Variants in SURF6 observed in about 807,000 individuals in gnomAD.
SURF6 encodes the protein surfeit locus protein 6.
A neutral mutation model predicts 37.5 loss-of-function variants in SURF6; 28 were observed. The ratio of observed to expected loss-of-function variants is 0.75; its 90% confidence interval spans 0.55 to 1.02. SURF6 has a LOEUF of 1.02. SURF6 is among the 50% of genes least tolerant of loss of function. SURF6 has a pLI of 0.00. For missense variants in SURF6, 560 were observed against 490.5 expected (o/e 1.14, Z -1.34); for synonymous variants, 248 against 210.9 (o/e 1.18, Z -1.52).
At chr9:133,334,676 C>A in intron 1 of SURF6, 75 bp from the exon 2 acceptor site, 1 of 1,541,250 alleles carries the variant, frequency 6.5e-7, no homozygotes, top group Non-Finnish European at 8.8e-7. Context: ...CTCACCAAGG[C>A]TTTGATCCCA....
intron 3 of SURF6, 40 bp downstream of exon 3, chr9:133,333,678 G>A (rs2129924055): frequency 6.3e-7 from 1 of 1,586,616 alleles, no homozygotes; most frequent in Non-Finnish European, 8.6e-7. Flanking sequence ...GAGAACACAG[G>A]CAGAGCAGTG....
intron 1 of SURF6, 109 bp from the exon 2 acceptor site, chr9:133,334,710 G>T: frequency 2.3e-6 from 3 of 1,329,560 alleles, no homozygotes; most frequent in Admixed American, 2.2e-5. Flanking sequence ...AGAGGATCAG[G>T]ATCGGGGGCC....
Position 133,331,880 on chromosome 9 carries a change from C to T in SURF6, c.1075G>A (p.Gly359Ser). Reference protein sequence around the residue: ...RILPQDLERAGLV With the variant: ...RILPQDLERASLV The stretch of plus-strand genomic sequence containing the variant: ...CAGGTGGGAAAGACTCAGACCAGGC[C>T]TGCGCGCTCCAGGTCCTGCGGCAGG... Residue 359 changes from glycine to serine, a missense_variant, in exon 5 of 5, where the codon GGC becomes AGC. By Grantham distance (56) the Gly-to-Ser change is moderately conservative (BLOSUM62 0). Transcript: ENST00000372022. 6.6e-7 allele frequency: 1 copy of T among 1,516,086 alleles called. No homozygotes were observed. Among genetic ancestry groups the T allele is most frequent in the South Asian group, 1.3e-5 (1 of 76,084 alleles). The allele number at this position is 1,516,086 out of a possible 1,614,324, so 93.9% of individuals were successfully genotyped here. A position where few individuals can be genotyped will look rare whatever the true frequency, so the allele number is the denominator to read the frequency against.
rs147067721 is a variant in SURF6 at position 133,334,431 on chromosome 9, C to G, written c.265G>C (p.Glu89Gln). Residue 89 changes from glutamate (E) to glutamine (Q), a missense_variant, in exon 2 of 5, where the codon GAA (glutamate) becomes CAA (glutamine). Physicochemically the swap from Glu to Gln is conservative, Grantham distance 29. Transcript: ENST00000372022. ...GCTGAGCTGGAAGCCCAAGCTGCTT[C>G]CTCTTTGGCTGCCTCAGGCCTCCTG... ...GARRPEAAKEEAAWASSSAGN... is the reference protein window; with the variant it reads ...GARRPEAAKEQAAWASSSAGN... The G allele has an allele frequency of 1.2e-6, 2 of 1,613,942 alleles. No homozygotes were observed. Among genetic ancestry groups the G allele is most frequent in the African/African-American group, 2.7e-5 (2 of 75,062 alleles).
In SURF6 at chr9:133,333,731, T is replaced by C; in HGVS notation, c.380A>G (p.Glu127Gly). The change falls in exon 3 of 5, where the codon GAG becomes GGG. Residue 127 changes from glutamate (E) to glycine (G), a missense_variant. Coordinates refer to ENST00000372022, the MANE Select transcript of SURF6 (RefSeq NM_006753.6). ...LRQRLHEKIQEARGQGSAKEL... is the reference protein window; with the variant it reads ...LRQRLHEKIQGARGQGSAKEL... Reference sequence around the variant, plus strand: ...CTGCCCGCCTACCTGGCCCCGGGCCTCCTGGATCTTCTCATGCAGTCGCTG... The same window carrying C: ...CTGCCCGCCTACCTGGCCCCGGGCCCCCTGGATCTTCTCATGCAGTCGCTG... The C allele has an allele frequency of 6.2e-7, 1 of 1,613,896 alleles. No homozygotes were observed. The highest frequency in any genetic ancestry group is 8.5e-7 in the Non-Finnish European group (1 of 1,179,956).
At chr9:133,334,257 T>C in intron 2 of SURF6, 135 bp downstream of exon 2, 2 of 783,212 alleles carry the variant, frequency 2.6e-6, no homozygotes, top group Non-Finnish European at 4.0e-6. Flanking sequence ...CCTGTGATCT[T>C]TGCTCTTGGG....
chr9:133,334,620 A>C lies in SURF6; in HGVS notation c.95-19T>G. 6.2e-7 allele frequency: 1 copy of C among 1,602,944 alleles called. No homozygotes were observed. ...TTGCCAGCTGAAATGCAAAATAAGA[A>C]AGAGTTAAGTCCCAATCTCATGGCC... On this transcript the variant is annotated intron_variant, in intron 1 of 4. Transcript: ENST00000372022.
chr9:133,335,709 CA>C (rs11341720), intron 1 of SURF6, among the ~76,000 whole-genome samples: 55,267 of 132,000 alleles, frequency 0.42, 10,551 homozygotes, highest in South Asian at 0.49. Flanking sequence ...ACTAAAAATG[CA>C]AAAAAAAAAA....
At chr9:133,335,696 T>G (rs910329689) in intron 1 of SURF6, among the ~76,000 whole-genome samples, 1 of 142,372 alleles carries the variant, frequency 7.0e-6, no homozygotes, top group African/African-American at 2.6e-5. Flanking sequence ...TACTCCTGTC[T>G]CTACTAAAAA....
At chr9:133,332,908 G>A (rs1412948769) in intron 3 of SURF6, 148 bp from the exon 4 acceptor site, 1 of 712,126 alleles carries the variant, frequency 1.4e-6, no homozygotes, top group East Asian at 2.7e-5. Context: ...GTTCCACCAT[G>A]ATGTTCCCCA....
chr9:133,330,774 GAA>G lies in SURF6; in HGVS notation c.*1093_*1094del, dbSNP rs1304603552. The G allele has an allele frequency of 1.3e-5, 2 of 152,046 alleles. No homozygotes were observed. The highest frequency in any genetic ancestry group is 2.9e-5 in the Non-Finnish European group (2 of 67,984). The allele number at this position is 152,046 out of a possible 1,614,324, so 9.4% of individuals were successfully genotyped here. A position where few individuals can be genotyped will look rare whatever the true frequency, so the allele number is the denominator to read the frequency against. ...GGTCAGATAACGACACTGATTCCTTGAAATATCTTAAGACTTCTTTTCTGGAC... is the reference window on the plus strand; with the variant it reads ...GGTCAGATAACGACACTGATTCCTTGATATCTTAAGACTTCTTTTCTGGAC... On this transcript the variant is annotated 3_prime_UTR_variant, in exon 5 of 5. Transcript: ENST00000372022.
chr9:133,335,989 C>CT (rs2129933302), intron 1 of SURF6, 50 bp downstream of exon 1: 1 of 1,519,636 alleles, frequency 6.6e-7, no homozygotes, highest in East Asian at 2.3e-5. Flanking sequence ...GCTCCGGCCG[C>CT]GTCCCCCGTT....
chr9:133,329,861 C>CTGG lies in SURF6; in HGVS notation c.*2007_*2008insCCA, dbSNP rs1835681997. 6.6e-6 allele frequency: 1 copy of CTGG among 152,186 alleles called. No homozygotes were observed. The highest frequency in any genetic ancestry group is 1.5e-5 in the Non-Finnish European group (1 of 68,042). 9.4% of individuals were successfully genotyped at this position (152,186 alleles called of 1,614,324 possible). Reference sequence around the variant, plus strand: ...ATTTGGTAACTTCCCTTTCTCTTACCTAGTTTTGGTATCAAAGCTAAGTTC... The same window carrying CTGG: ...ATTTGGTAACTTCCCTTTCTCTTACCTGGTAGTTTTGGTATCAAAGCTAAGTTC... On this transcript the variant is annotated 3_prime_UTR_variant, in exon 5 of 5. Coordinates refer to ENST00000372022, the MANE Select transcript of SURF6 (RefSeq NM_006753.6).
Position 133,332,207 on chromosome 9 carries a change from G to C in SURF6, c.748C>G (p.Leu250Val), listed in dbSNP as rs2129916259. The C allele has an allele frequency of 1.2e-6, 2 of 1,607,992 alleles. No individual in the cohort carries two copies. The highest frequency in any genetic ancestry group is 1.1e-5 in the South Asian group (1 of 91,080). ...TCATCCTGGCCGCGCAGCTCGTCCA[G>C]CCGGCTCTGCCGTGCCTGCAGGCGC... ...LERLQARQSR[L>V]DELRGQDEGK... is the part of the protein sequence containing the mutation. Residue 250 changes from leucine to valine, a missense_variant, in exon 5 of 5, where the codon CTG (leucine) becomes GTG (valine). Physicochemically the swap from Leu to Val is conservative, Grantham distance 32. Transcript: ENST00000372022.
chr9:133,332,961 G>A (rs1835785926), intron 3 of SURF6: 13 of 602,314 alleles, frequency 2.2e-5, no homozygotes, highest in Non-Finnish European at 2.9e-6. Flanking sequence ...CCCCAAATAA[G>A]AATCACAGCT....
At chr9:133,332,516 C>T in intron 4 of SURF6, 32 bp downstream of exon 4, 1 of 1,598,558 alleles carries the variant, frequency 6.3e-7, no homozygotes. Flanking sequence ...TGAAGCCGAC[C>T]CAGCCCGCCC....
At position 133,331,802 on chromosome 9, in the gene SURF6, G is replaced by A. The variant is rs935200393; in HGVS notation, c.*67C>T. ...GTGGAGATCCTGGGACAGAGCCAGCGTCAAGGACTCAGAGGGTGTCCTGGA... is the reference window on the plus strand; with the variant it reads ...GTGGAGATCCTGGGACAGAGCCAGCATCAAGGACTCAGAGGGTGTCCTGGA... On this transcript the variant is annotated 3_prime_UTR_variant, in exon 5 of 5. Transcript: ENST00000372022. 4 of 1,475,070 alleles carry A rather than the reference G, an allele frequency of 2.7e-6. No homozygotes were observed. The highest frequency in any genetic ancestry group is 2.4e-5 in the Admixed American group (1 of 41,386). 91.4% of individuals were successfully genotyped at this position (1,475,070 alleles called of 1,614,324 possible). A position where few individuals can be genotyped will look rare whatever the true frequency, so the allele number is the denominator to read the frequency against.
intron 4 of SURF6, 58 bp downstream of exon 4, chr9:133,332,490 G>C (rs1835768703): frequency 5.1e-6 from 8 of 1,578,604 alleles, no homozygotes; most frequent in Non-Finnish European, 5.1e-6. Context: ...AGCTAACAAG[G>C]GGCAACGCTG....
intron 4 of SURF6, 85 bp downstream of exon 4, chr9:133,332,463 T>C (rs1281142236): frequency 5.2e-6 from 8 of 1,551,848 alleles, no homozygotes; most frequent in Non-Finnish European, 6.1e-6. Context: ...ATGATGGGGT[T>C]CGGAGAGAGA....
Sources: allele counts gnomAD v4.1 joint callset (sites outside exome capture counted in the v4.1 genomes callset), GRCh38; gene constraint gnomAD v4.1.1; transcripts MANE v1.5; gene names NCBI Gene and HGNC (gene_info 2026-07-23, HGNC 2026-07-21).